RAPGEF5: variants seen among roughly 807,000 people sequenced by gnomAD.
RAPGEF5 encodes the protein M-Ras-regulated GEF.
In RAPGEF5, 65 loss-of-function variants were observed where a neutral mutation model predicts 125.2. The observed-to-expected ratio is 0.52, with a 90% CI of 0.43 to 0.64. The LOEUF (loss-of-function observed/expected upper bound fraction) is 0.64. Among genes scored for constraint, RAPGEF5 ranks in the 30% least tolerant of loss-of-function variants. The pLI is 0.00. For synonymous variants in RAPGEF5, 391 were observed against 385.9 expected, an observed-to-expected ratio of 1.01 and a Z score of -0.16; for missense variants, 958 against 1,048.1, an observed-to-expected ratio of 0.91 and a Z score of 1.19.
At chr7:22,236,531 T>C (rs1265263342) in intron 7 of RAPGEF5, among the ~76,000 whole-genome samples, 1 of 152,196 alleles carries the variant, frequency 6.6e-6, no homozygotes, top group Non-Finnish European at 1.5e-5. Context: ...CACCACCAAG[T>C]ACTGAAGCTA....
At chr7:22,320,995 T>G (rs1055834849) in intron 1 of RAPGEF5, among the ~76,000 whole-genome samples, 20 of 152,336 alleles carry the variant, frequency 1.3e-4, no homozygotes, top group African/African-American at 4.8e-4. Flanking sequence ...AAGTGATGAT[T>G]CCTTTATCCT....
rs933634107 is a variant in RAPGEF5, at chr7:22,121,872, C to T, written c.*534G>A. ...GCAGTCCTCACTAACTCCCTAGACACAAGTGGCTTTTGGTGATGTCACAGG... is the reference window on the plus strand; with the variant it reads ...GCAGTCCTCACTAACTCCCTAGACATAAGTGGCTTTTGGTGATGTCACAGG... On this transcript the variant is annotated 3_prime_UTR_variant, in exon 26 of 26. Transcript: ENST00000665637. 1 of 155,664 alleles carries T rather than the reference C, an allele frequency of 6.4e-6. No homozygotes were observed. The highest frequency in any genetic ancestry group is 2.4e-5 in the African/African-American group (1 of 41,486). The allele number at this position is 155,664 out of a possible 1,614,324, so 9.6% of individuals were successfully genotyped here.
rs572263489 is a variant in RAPGEF5, at chr7:22,225,830, C to T, written c.870+5016G>A. 3.3e-5 allele frequency among the ~76,000 whole-genome samples: 5 copies of T among 152,194 alleles called. No homozygotes were observed. In the East Asian group the frequency reaches 9.6e-4, roughly 29 times the overall value. On this transcript the variant is annotated intron_variant, in intron 8 of 25. Coordinates refer to ENST00000665637, the MANE Select transcript of RAPGEF5 (RefSeq NM_012294.5). The stretch of plus-strand genomic sequence containing the variant: ...TTATTTAGGAGCTTTATTTCAAGGT[C>T]TGTTTTGAAAAAAAGTCTCCATAAT...
intron 7 of RAPGEF5, among the ~76,000 whole-genome samples, chr7:22,257,621 T>G (rs1169599513): frequency 6.6e-6 from 1 of 152,218 alleles, no homozygotes; most frequent in Non-Finnish European, 1.5e-5. Context: ...CATTGTTCCT[T>G]CACATCCACA....
chr7:22,294,112 G>A lies in RAPGEF5; in HGVS notation c.681-2871C>T, dbSNP rs571180489. Among the ~76,000 whole-genome samples the A allele has an allele frequency of 2.2e-4, 33 of 150,758 alleles. No individual in the cohort carries two copies. The East Asian group carries it at 4.0e-3, about 18-fold the overall frequency. ...ATTACTAAAGGGGGCTGTGCTGCTC[G>A]TGAATGAGAGAGAGAGAGAGACAGA... is the stretch of plus-strand genomic sequence containing the variant. On this transcript the variant is annotated intron_variant, in intron 5 of 25. Coordinates refer to ENST00000665637, the MANE Select transcript of RAPGEF5 (RefSeq NM_012294.5).
chr7:22,260,707 A>C (rs1194798651), intron 7 of RAPGEF5, among the ~76,000 whole-genome samples: 2 of 152,168 alleles, frequency 1.3e-5, no homozygotes, highest in Non-Finnish European at 2.9e-5. Context: ...ATAATCTATA[A>C]GGTAAATACA....
At chr7:22,308,562 G>A (rs1783398067) in intron 4 of RAPGEF5, 55 bp from the exon 5 acceptor site, 2 of 1,315,248 alleles carry the variant, frequency 1.5e-6, no homozygotes, top group Non-Finnish European at 2.0e-6. Flanking sequence ...TACTCAGAGA[G>A]TAATAACTCA....
chr7:22,282,383 A>C (rs1782693031), intron 6 of RAPGEF5, among the ~76,000 whole-genome samples: 1 of 152,232 alleles, frequency 6.6e-6, no homozygotes, highest in Admixed American at 6.5e-5. Flanking sequence ...ATAGGTTAAA[A>C]ATTAAAATGC....
At chr7:22,194,526 A>T in intron 9 of RAPGEF5, 6 of 904,912 alleles carry the variant, frequency 6.6e-6, no homozygotes, top group Non-Finnish European at 7.9e-6. Context: ...CATTTACTTT[A>T]CACCCTTACT....
chr7:22,282,465 C>T (rs1782694901), intron 6 of RAPGEF5, among the ~76,000 whole-genome samples: 1 of 152,164 alleles, frequency 6.6e-6, no homozygotes, highest in South Asian at 2.1e-4. Flanking sequence ...CAATCACATT[C>T]CCTACCCAAC....
At chr7:22,331,731 C>G in intron 1 of RAPGEF5, among the ~76,000 whole-genome samples, 1 of 124,340 alleles carries the variant, frequency 8.0e-6, no homozygotes, top group East Asian at 2.3e-4. Context: ...GGTGATAGAG[C>G]GAGACTCCAT....
intron 11 of RAPGEF5, among the ~76,000 whole-genome samples, chr7:22,170,499 G>A (rs1028415061): frequency 2.0e-5 from 3 of 152,188 alleles, no homozygotes; most frequent in Non-Finnish European, 2.9e-5. Flanking sequence ...CAGACTCTTT[G>A]GGGTGTTCTT....
chr7:22,123,326 A>G (rs1421156864), intron 25 of RAPGEF5, among the ~76,000 whole-genome samples: 1 of 152,190 alleles, frequency 6.6e-6, no homozygotes, highest in Admixed American at 6.5e-5. Flanking sequence ...AAGCCCGTGC[A>G]CCACAGTCAA....
chr7:22,196,735 A>G (rs532228728), intron 9 of RAPGEF5, among the ~76,000 whole-genome samples: 2 of 152,324 alleles, frequency 1.3e-5, no homozygotes, highest in Admixed American at 1.3e-4. Context: ...AATGTGTATG[A>G]AGGAGCGGCT....
intron 5 of RAPGEF5, among the ~76,000 whole-genome samples, chr7:22,300,212 G>A (rs1287143695): frequency 1.3e-5 from 2 of 151,978 alleles, no homozygotes; most frequent in Non-Finnish European, 2.9e-5. Flanking sequence ...GCTATCTTCA[G>A]GTCACGTCTA....
chr7:22,317,897 G>A, intron 2 of RAPGEF5, 90 bp downstream of exon 2: 2 of 1,514,474 alleles, frequency 1.3e-6, no homozygotes, highest in Non-Finnish European at 1.8e-6. Flanking sequence ...GTGGTCAGGA[G>A]CAAAGGGAAC....
chr7:22,273,146 G>C (rs1782475531), intron 6 of RAPGEF5, among the ~76,000 whole-genome samples: 1 of 150,146 alleles, frequency 6.7e-6, no homozygotes, highest in Admixed American at 6.6e-5. Flanking sequence ...AGAGGTGTTT[G>C]TTAAGCATGC....
intron 1 of RAPGEF5, among the ~76,000 whole-genome samples, chr7:22,326,786 C>T (rs748231008): frequency 3.4e-4 from 51 of 152,224 alleles, no homozygotes; most frequent in Non-Finnish European, 5.4e-4. Context: ...ATACAAGATA[C>T]ACTATAAAGC....
chr7:22,128,361 T>C (rs544656193), intron 24 of RAPGEF5, among the ~76,000 whole-genome samples: 1 of 152,324 alleles, frequency 6.6e-6, no homozygotes, highest in African/African-American at 2.4e-5. Flanking sequence ...TTCTGGATTT[T>C]CATGGGGTCT....
Sources: allele counts gnomAD v4.1 joint callset (sites outside exome capture counted in the v4.1 genomes callset), GRCh38; gene constraint gnomAD v4.1.1; transcripts MANE v1.5; gene names NCBI Gene and HGNC (gene_info 2026-07-23, HGNC 2026-07-21).